SATB2: variants seen among roughly 807,000 people sequenced by gnomAD.
SATB2 encodes SATB homeobox 2.
A neutral mutation model predicts 73.4 loss-of-function variants in SATB2; 1 was observed. The ratio of observed to expected loss-of-function variants is 0.01; its 90% confidence interval spans 0.00 to 0.06. The LOEUF is 0.06. SATB2 is among the 10% of genes least tolerant of loss of function. SATB2 has a pLI of 1.00. For missense variants in SATB2, 459 were observed against 945.8 expected (o/e 0.49, Z 6.75); for synonymous variants, 397 against 367.0 (o/e 1.08, Z -0.93).
intron 5 of SATB2, among the ~76,000 whole-genome samples, chr2:199,371,737 T>TA (rs1356214040): frequency 2.0e-5 from 3 of 152,150 alleles, no homozygotes; most frequent in Non-Finnish European, 4.4e-5. Flanking sequence ...ATCTTTTTGA[T>TA]AAAGGAATAA....
At chr2:199,294,970 C>A (rs538432411) in intron 10 of SATB2, among the ~76,000 whole-genome samples, 1 of 151,938 alleles carries the variant, frequency 6.6e-6, no homozygotes, top group Non-Finnish European at 1.5e-5. Flanking sequence ...TTAATTTGTT[C>A]CTGTTTTCTA....
chr2:199,409,482 C>T (rs1236686772), intron 3 of SATB2, among the ~76,000 whole-genome samples: 1 of 152,188 alleles, frequency 6.6e-6, no homozygotes, highest in Non-Finnish European at 1.5e-5. Flanking sequence ...AAACCTCCAA[C>T]ATTTTCTAGA....
chr2:199,392,166 C>G (rs1367651629), intron 3 of SATB2, among the ~76,000 whole-genome samples: 1 of 152,064 alleles, frequency 6.6e-6, no homozygotes, highest in Non-Finnish European at 1.5e-5. Flanking sequence ...GCCCAGCGTG[C>G]CCAGTAAAAA....
chr2:199,411,200 G>A (rs1690801895), intron 3 of SATB2, among the ~76,000 whole-genome samples: 1 of 149,854 alleles, frequency 6.7e-6, no homozygotes, highest in Non-Finnish European at 1.5e-5. Flanking sequence ...TTCTTTCCAA[G>A]TCACTATGTC....
chr2:199,403,912 T>C (rs2345728), intron 3 of SATB2, among the ~76,000 whole-genome samples: 124,575 of 152,142 alleles, frequency 0.82, 51,749 homozygotes, highest in Non-Finnish European at 0.88. Flanking sequence ...TGGCAGGATA[T>C]CAACCTGACA....
intron 3 of SATB2, among the ~76,000 whole-genome samples, chr2:199,411,466 C>T (rs1208840340): frequency 6.6e-6 from 1 of 152,164 alleles, no homozygotes; most frequent in Non-Finnish European, 1.5e-5. Context: ...AATATGAATA[C>T]CTACCATGTT....
At chr2:199,289,871 C>T (rs896347907) in intron 10 of SATB2, among the ~76,000 whole-genome samples, 1 of 152,176 alleles carries the variant, frequency 6.6e-6, no homozygotes, top group African/African-American at 2.4e-5. Context: ...ATTTTCCCTT[C>T]TCCAGGTGTA....
At chr2:199,354,400 T>C (rs1298923407) in intron 6 of SATB2, among the ~76,000 whole-genome samples, 1 of 152,134 alleles carries the variant, frequency 6.6e-6, no homozygotes, top group Non-Finnish European at 1.5e-5. Flanking sequence ...CTCCCAGGGC[T>C]TTAAATCAGA....
intron 7 of SATB2, among the ~76,000 whole-genome samples, chr2:199,334,393 T>A (rs745608080): frequency 6.6e-6 from 1 of 152,174 alleles, no homozygotes; most frequent in Non-Finnish European, 1.5e-5. Flanking sequence ...TAATTACATA[T>A]TGCTTTAAAC....
chr2:199,407,064 T>G (rs1690651287), intron 3 of SATB2, among the ~76,000 whole-genome samples: 1 of 152,096 alleles, frequency 6.6e-6, no homozygotes, highest in Admixed American at 6.5e-5. Flanking sequence ...CTCACACCTG[T>G]AATCCCAGCA....
intron 9 of SATB2, among the ~76,000 whole-genome samples, chr2:199,323,104 T>C (rs1414814485): frequency 6.6e-6 from 1 of 152,084 alleles, no homozygotes; most frequent in Non-Finnish European, 1.5e-5. Context: ...AAGCAGATAG[T>C]AGATCCCATC....
chr2:199,316,895 A>T (rs912792910), intron 9 of SATB2, among the ~76,000 whole-genome samples: 3 of 152,114 alleles, frequency 2.0e-5, no homozygotes, highest in Non-Finnish European at 4.4e-5. Flanking sequence ...AACGGCAGAA[A>T]GATATTAACA....
At chr2:199,315,274 T>A (rs539125169) in intron 9 of SATB2, among the ~76,000 whole-genome samples, 1 of 152,256 alleles carries the variant, frequency 6.6e-6, no homozygotes, top group East Asian at 1.9e-4. Context: ...AATATCTATT[T>A]CACTTATAAA....
At chr2:199,285,244 T>C (rs1692650186) in intron 10 of SATB2, among the ~76,000 whole-genome samples, 1 of 151,994 alleles carries the variant, frequency 6.6e-6, no homozygotes, top group African/African-American at 2.4e-5. Context: ...AGTAAAAACA[T>C]CCTTACTTGA....
At chr2:199,300,980 C>A (rs1183053945) in intron 10 of SATB2, among the ~76,000 whole-genome samples, 1 of 151,714 alleles carries the variant, frequency 6.6e-6, no homozygotes, top group Non-Finnish European at 1.5e-5. Context: ...AATATTAGAA[C>A]CACCCCATGA....
chr2:199,272,747 T>C lies in SATB2; in HGVS notation c.1741-75A>G. The C allele has an allele frequency of 7.5e-7, 1 of 1,342,192 alleles. No homozygotes were observed. Among genetic ancestry groups the C allele is most frequent in the Non-Finnish European group, 1.1e-6 (1 of 933,506 alleles). The allele number at this position is 1,342,192 out of a possible 1,614,324, so 83.1% of individuals were successfully genotyped here. Reference sequence around the variant, plus strand: ...TTCCAAAACCATCAGCCCTCTGAAATATGTGTTATCTATCTAGCACTGGAG... The same window carrying C: ...TTCCAAAACCATCAGCCCTCTGAAACATGTGTTATCTATCTAGCACTGGAG... On this transcript the variant is annotated intron_variant, in intron 10 of 10. Coordinates refer to ENST00000417098, the MANE Select transcript of SATB2 (RefSeq NM_001172509.2). The surrounding 1 kb of genome is among the most constrained non-coding windows in gnomAD (Gnocchi z 6.7).
chr2:199,433,063 T>G lies in SATB2; in HGVS notation c.346+275A>C, dbSNP rs1691549721. 2.6e-5 allele frequency among the ~76,000 whole-genome samples: 4 copies of G among 152,146 alleles called. No individual in the cohort carries two copies. The South Asian group carries it at 8.3e-4, about 32-fold the overall frequency. The stretch of plus-strand genomic sequence containing the variant: ...CAGGAGTTAAATATCTCAACATTGG[T>G]CCTAACTTAGAGAAAATAACAGTGT... On this transcript the variant is annotated intron_variant, in intron 3 of 10. Transcript: ENST00000417098.
At chr2:199,458,702 A>C (rs1228664144), upstream of SATB2, 1 of 442,506 alleles carries the variant, frequency 2.3e-6, no homozygotes, top group Non-Finnish European at 4.5e-6. Context: ...CAGCTCTGTT[A>C]ACTGCGCGGA....
At chr2:199,320,702 T>C (rs967336710) in intron 9 of SATB2, among the ~76,000 whole-genome samples, 1 of 152,144 alleles carries the variant, frequency 6.6e-6, no homozygotes, top group Non-Finnish European at 1.5e-5. Context: ...TATCCTTGCA[T>C]TGTGCCTGGT....
Sources: allele counts gnomAD v4.1 joint callset (sites outside exome capture counted in the v4.1 genomes callset), GRCh38; gene constraint gnomAD v4.1.1; non-coding constraint Gnocchi (gnomAD v3.1); transcripts MANE v1.5; gene names NCBI Gene and HGNC (gene_info 2026-07-23, HGNC 2026-07-21).